The following ST7L variants were observed in gnomAD, a reference collection of about 807,000 sequenced individuals.
ST7L encodes the protein suppressor of tumorigenicity 7 protein-like.
In ST7L, 57 loss-of-function variants were observed where a neutral mutation model predicts 72.5. That is an observed-to-expected ratio of 0.79 (90% confidence interval 0.64 to 0.98). ST7L has a LOEUF of 0.98. Among genes scored for constraint, ST7L ranks in the 50% least tolerant of loss-of-function variants. The probability of loss-of-function intolerance (pLI) is 0.00; values close to 1 mark genes in which losing one functional copy is unlikely to be tolerated. For synonymous variants in ST7L, 221 were observed against 240.9 expected (o/e 0.92, Z 0.77); for missense variants, 576 against 672.2 (o/e 0.86, Z 1.58).
At chr1:112,578,112 T>C (rs965477362) in intron 10 of ST7L, among the ~76,000 whole-genome samples, 1 of 152,220 alleles carries the variant, frequency 6.6e-6, no homozygotes, top group African/African-American at 2.4e-5. Context: ...AATGATTAAC[T>C]TGCCTACAGT....
intron 14 of ST7L, among the ~76,000 whole-genome samples, chr1:112,539,454 G>A (rs979489313): frequency 3.5e-4 from 53 of 152,058 alleles, no homozygotes; most frequent in Non-Finnish European, 7.4e-5. Context: ...TCAGAAGTTC[G>A]AGACCAGCCT....
At chr1:112,612,549 T>C (rs1193186474) in intron 2 of ST7L, among the ~76,000 whole-genome samples, 1 of 152,194 alleles carries the variant, frequency 6.6e-6, no homozygotes, top group Non-Finnish European at 1.5e-5. Context: ...AGTATAGTCA[T>C]GTTGGGGCCC....
chr1:112,563,539 A>G (rs56678062), intron 11 of ST7L, among the ~76,000 whole-genome samples: 117 of 152,336 alleles, frequency 7.7e-4, no homozygotes, highest in African/African-American at 2.7e-3. Flanking sequence ...CAGACCTTCC[A>G]TATTACCTCT....
chr1:112,614,207 A>G (rs571100929), intron 2 of ST7L, among the ~76,000 whole-genome samples: 6 of 151,864 alleles, frequency 4.0e-5, no homozygotes, highest in African/African-American at 1.5e-4. Flanking sequence ...TTTTTCCACT[A>G]TATCAGCTGC....
At chr1:112,543,831 T>C (rs1201209418) in intron 13 of ST7L, among the ~76,000 whole-genome samples, 1 of 132,936 alleles carries the variant, frequency 7.5e-6, no homozygotes, top group Non-Finnish European at 1.5e-5. Context: ...ATCATGCCAC[T>C]GCACTCTAGC....
Position 112,555,913 on chromosome 1 carries a change from G to A in ST7L, c.1351C>T (p.Arg451Ter), listed in dbSNP as rs775695830. 16 of 1,611,522 alleles carry A rather than the reference G, an allele frequency of 9.9e-6. No homozygotes were observed. The highest frequency in any genetic ancestry group is 8.8e-5 in the South Asian group (8 of 90,664). The stretch of plus-strand genomic sequence containing the variant: ...AACAGATTAAGAGCACCTTCTATTC[G>A]TTTCCAGTGCTGAAGATGAAAGAAA... ...YAFFHLQHWK[R>*]IEGALNLLQC... The change falls in exon 12 of 15, where the codon CGA (arginine) becomes TGA (stop). Residue 451 changes from arginine to a stop codon, truncating the protein, a stop_gained. Transcript: ENST00000358039. LOFTEE classifies it high-confidence loss of function.
At chr1:112,545,121 A>G (rs1427006121) in intron 13 of ST7L, among the ~76,000 whole-genome samples, 3 of 152,250 alleles carry the variant, frequency 2.0e-5, no homozygotes, top group African/African-American at 4.8e-5. Flanking sequence ...ACTCCTGGGT[A>G]TTAAAACTCC....
chr1:112,559,352 G>A (rs1395571783), intron 11 of ST7L, among the ~76,000 whole-genome samples: 1 of 151,978 alleles, frequency 6.6e-6, no homozygotes, highest in Non-Finnish European at 1.5e-5. Flanking sequence ...TCCTGCCTCA[G>A]CCTCCCGAGT....
chr1:112,618,601 T>C (rs1005658759), intron 1 of ST7L, among the ~76,000 whole-genome samples: 2 of 152,172 alleles, frequency 1.3e-5, no homozygotes, highest in Non-Finnish European at 2.9e-5. Context: ...AAATTACGTA[T>C]CCTAATCTGA....
At chr1:112,540,341 C>T (rs1384233157) in intron 14 of ST7L, 4 of 985,382 alleles carry the variant, frequency 4.1e-6, no homozygotes, top group Non-Finnish European at 4.8e-6. Flanking sequence ...CTTTCTAGGC[C>T]ATTTTTATTC....
chr1:112,560,319 G>A (rs956791739), intron 11 of ST7L, among the ~76,000 whole-genome samples: 1 of 152,108 alleles, frequency 6.6e-6, no homozygotes, highest in Non-Finnish European at 1.5e-5. Flanking sequence ...GCGTGAGCCC[G>A]GGAGGCGGAG....
chr1:112,556,999 C>CAA (rs1659300562), intron 11 of ST7L, among the ~76,000 whole-genome samples: 1 of 87,884 alleles, frequency 1.1e-5, no homozygotes, highest in Non-Finnish European at 2.5e-5. Flanking sequence ...AAAAAAAAAA[C>CAA]ACAAAGAAAA....
rs755381370 is a variant in ST7L, at chr1:112,582,463, G to A, written c.866C>T (p.Thr289Ile). Residue 289 changes from threonine (T) to isoleucine (I), a missense_variant, in exon 8 of 15, where the codon ACC becomes ATC. This residue lies in a region of ST7L where 511 missense variants were observed against 600.7 expected (regional missense o/e 0.85). Coordinates refer to ENST00000358039, the MANE Select transcript of ST7L (RefSeq NM_017744.5). ...PQHEAQLRRD[T>I]NVLVYIKRRL... ...TCTTTTAATATATACCAGTACATTG[G>A]TATCTCTCCCTATTTAGAAAAACAA... 6.3e-7 allele frequency: 1 copy of A among 1,594,194 alleles called. No individual in the cohort carries two copies. Among genetic ancestry groups the A allele is most frequent in the Non-Finnish European group, 8.6e-7 (1 of 1,168,616 alleles).
In ST7L at chr1:112,603,786, CTTG is replaced by C. The variant is rs1404877066; in HGVS notation, c.452-2941_452-2939del. Among the ~76,000 whole-genome samples, 4 of 152,290 alleles carry C rather than the reference CTTG, an allele frequency of 2.6e-5. No homozygotes were observed. In the East Asian group the frequency reaches 5.8e-4, roughly 22 times the overall value. ...AGCTGAGTTCTGGTGAAACTGAGTTCTTGTTGTGTTCTCACAAGGAAGAGAGAG... is the reference window on the plus strand; with the variant it reads ...AGCTGAGTTCTGGTGAAACTGAGTTCTTGTGTTCTCACAAGGAAGAGAGAG... On this transcript the variant is annotated intron_variant, in intron 3 of 14. Transcript: ENST00000358039.
chr1:112,542,804 C>CT (rs1335705976), intron 13 of ST7L, among the ~76,000 whole-genome samples: 22 of 147,248 alleles, frequency 1.5e-4, no homozygotes, highest in Admixed American at 2.7e-4. Context: ...TGAGTTGCTA[C>CT]TTTTTTTTTT....
At chr1:112,552,930 C>T (rs1349995225) in intron 12 of ST7L, among the ~76,000 whole-genome samples, 1 of 151,698 alleles carries the variant, frequency 6.6e-6, no homozygotes, top group East Asian at 1.9e-4. Context: ...ATAGCAAGAC[C>T]TCATCACTAC....
At chr1:112,587,076 T>C (rs1324241301) in intron 6 of ST7L, among the ~76,000 whole-genome samples, 2 of 152,222 alleles carry the variant, frequency 1.3e-5, no homozygotes, top group African/African-American at 4.8e-5. Flanking sequence ...TTATAATTTA[T>C]GAGACCACTG....
chr1:112,613,873 A>C (rs553660267), intron 2 of ST7L, among the ~76,000 whole-genome samples: 14 of 152,082 alleles, frequency 9.2e-5, no homozygotes, highest in Non-Finnish European at 2.1e-4. Flanking sequence ...GACTACAGGA[A>C]TGCGCCACCA....
intron 4 of ST7L, among the ~76,000 whole-genome samples, chr1:112,598,559 G>A (rs888040563): frequency 1.3e-5 from 2 of 150,714 alleles, no homozygotes; most frequent in Non-Finnish European, 2.9e-5. Flanking sequence ...AGACTAGCTT[G>A]AGCAATATAG....
Sources: gnomAD v4.1 joint callset for allele counts (sites outside exome capture counted in the v4.1 genomes callset) on GRCh38, gnomAD v4.1.1 for gene constraint, gnomAD v4.1.1 regional missense constraint, MANE v1.5 for transcripts, NCBI Gene and HGNC (gene_info 2026-07-23, HGNC 2026-07-21) for gene names.